The following ZNF777 variants were observed in gnomAD, a reference collection of about 807,000 sequenced individuals.
ZNF777 encodes zinc finger protein 777.
A neutral mutation model predicts 72.1 loss-of-function variants in ZNF777; 7 were observed. The observed-to-expected ratio is 0.10, with a 90% CI of 0.06 to 0.18. The LOEUF is 0.18. ZNF777 is among the 10% of genes least tolerant of loss of function. The pLI, the probability that ZNF777 is intolerant of heterozygous loss-of-function variation, is 1.00. For missense variants in ZNF777, 828 were observed against 1,128.6 expected, an observed-to-expected ratio of 0.73 and a Z score of 3.82; for synonymous variants, 545 against 483.5, an observed-to-expected ratio of 1.13 and a Z score of -1.67.
intron 1 of ZNF777, among the ~76,000 whole-genome samples, chr7:149,458,241 A>G (rs1196216317): frequency 6.6e-6 from 1 of 151,900 alleles, no homozygotes; most frequent in Non-Finnish European, 1.5e-5. Context: ...GAGCTCACAG[A>G]CCCCTAAACC....
At position 149,431,726 on chromosome 7, in the gene ZNF777, G is replaced by C. The variant is rs996922875; in HGVS notation, c.*50C>G. 17 of 1,273,462 alleles carry C rather than the reference G, an allele frequency of 1.3e-5. No homozygotes were observed. The highest frequency in any genetic ancestry group is 2.8e-4 in the Middle Eastern group (1 of 3,512). The allele number at this position is 1,273,462 out of a possible 1,614,324, so 78.9% of individuals were successfully genotyped here. A position where few individuals can be genotyped will look rare whatever the true frequency, so the allele number is the denominator to read the frequency against. ...GGGCTCGGGCCTGGCGGTGTCCGAG[G>C]GGGGGCACGGCCCGCGCACCTGGCC... On this transcript the variant is annotated 3_prime_UTR_variant, in exon 6 of 6. Coordinates refer to ENST00000247930, the MANE Select transcript of ZNF777 (RefSeq NM_015694.3).
intron 4 of ZNF777, among the ~76,000 whole-genome samples, chr7:149,438,965 C>T (rs1799463411): frequency 6.6e-6 from 1 of 152,148 alleles, no homozygotes; most frequent in Non-Finnish European, 1.5e-5. Flanking sequence ...GTGGAACTCT[C>T]CCACTCTCTC....
rs758567594 is a variant in ZNF777 at position 149,455,738 on chromosome 7, G to T, written c.285C>A (p.Gly95=). The change falls in exon 2 of 6, where the codon GGC becomes GGA. Residue 95 remains glycine (G), a synonymous_variant. Transcript: ENST00000247930. This position sits in a 1 kb window ranked among gnomAD's most constrained non-coding sequence, Gnocchi z 4.2. The stretch of plus-strand genomic sequence containing the variant: ...GGGTCCCTTCCTGGGAAGCCAGGGG[G>T]CCCTGGAGAGAAGTCTCTTGCTCAG... ...AASEQETSLQ[G]PLASQEGTQY... 2 of 1,586,954 alleles carry T rather than the reference G, an allele frequency of 1.3e-6. No individual in the cohort carries two copies. The highest frequency in any genetic ancestry group is 3.5e-5 in the Admixed American group (2 of 56,536).
chr7:149,451,283 G>A (rs1238191601), intron 3 of ZNF777, among the ~76,000 whole-genome samples, 171 bp from the exon 4 acceptor site: 3 of 152,118 alleles, frequency 2.0e-5, no homozygotes, highest in Admixed American at 1.3e-4. Flanking sequence ...GGGTGTGGGG[G>A]TGTGGGTGTG....
At chr7:149,444,727 A>G (rs988620960) in intron 4 of ZNF777, among the ~76,000 whole-genome samples, 1 of 152,176 alleles carries the variant, frequency 6.6e-6, no homozygotes, top group South Asian at 2.1e-4. Flanking sequence ...TCTAGCTCCC[A>G]ATGTGGTTAC....
Position 149,431,741 on chromosome 7 carries a change from C to G in ZNF777, c.*35G>C. 1 of 1,369,338 alleles carries G rather than the reference C, an allele frequency of 7.3e-7. No homozygotes were observed. Among genetic ancestry groups the G allele is most frequent in the Non-Finnish European group, 9.4e-7 (1 of 1,068,094 alleles). The allele number at this position is 1,369,338 out of a possible 1,614,324, so 84.8% of individuals were successfully genotyped here. On this transcript the variant is annotated 3_prime_UTR_variant, in exon 6 of 6. Transcript: ENST00000247930. ...GGTGTCCGAGGGGGGGCACGGCCCG[C>G]GCACCTGGCCGGGCGGCGGCGGCGG...
intron 2 of ZNF777, among the ~76,000 whole-genome samples, chr7:149,454,483 T>C (rs969231466): frequency 6.6e-6 from 1 of 152,208 alleles, no homozygotes; most frequent in Non-Finnish European, 1.5e-5. Flanking sequence ...TGCTACCAGG[T>C]AACTTGCTCA....
rs940666802 is a variant in ZNF777 at position 149,460,416 on chromosome 7, C to G, written c.-16+399G>C. ...GCGGGCGGCCCGGCCGGCTGCGTCC[C>G]GGCGGCGAGCTGGGCCCCGGCCCTC... On this transcript the variant is annotated intron_variant, in intron 1 of 5. Transcript: ENST00000247930. The surrounding 1 kb of genome is among the most constrained non-coding windows in gnomAD (Gnocchi z 6.1). 6.8e-6 allele frequency among the ~76,000 whole-genome samples: 1 copy of G among 146,142 alleles called. No individual in the cohort carries two copies. The highest frequency in any genetic ancestry group is 6.8e-5 in the Admixed American group (1 of 14,738).
chr7:149,442,982 C>T (rs1799550012), intron 4 of ZNF777, among the ~76,000 whole-genome samples: 1 of 152,100 alleles, frequency 6.6e-6, no homozygotes, highest in African/African-American at 2.4e-5. Context: ...TAAATTGGCA[C>T]AAGTGATTTG....
At chr7:149,459,549 G>A in intron 1 of ZNF777, 1 of 809,064 alleles carries the variant, frequency 1.2e-6, no homozygotes, top group Non-Finnish European at 1.5e-6. Flanking sequence ...GGGCGGCCCA[G>A]CCCCTCACCC....
In ZNF777 at chr7:149,455,916, C is replaced by T. The variant is rs374336310; in HGVS notation, c.107G>A (p.Arg36His). The T allele has an allele frequency of 3.3e-5, 53 of 1,611,908 alleles. No homozygotes were observed. In the Admixed American group the frequency reaches 6.2e-4, roughly 19 times the overall value. The change falls in exon 2 of 6, where the codon CGC becomes CAC. Residue 36 changes from arginine to histidine, a missense_variant. By Grantham distance (29) the Arg-to-His change is conservative. Around this residue, in one of 12 missense-constraint regions of ZNF777, gnomAD observed 222 missense variants for 211.2 expected, o/e 1.05. Coordinates refer to ENST00000247930, the MANE Select transcript of ZNF777 (RefSeq NM_015694.3). The surrounding 1 kb of genome is among the most constrained non-coding windows in gnomAD (Gnocchi z 4.2). Reference protein sequence around the residue: ...GLPRETLFQSRVLPPKEIPSL... With the variant: ...GLPRETLFQSHVLPPKEIPSL... ...AGGAATTTCTTTGGGAGGAAGAACG[C>T]GGGATTGGAACAGAGTTTCTCGGGG...
In ZNF777 at chr7:149,455,353, C is replaced by T. The variant is rs1376137207; in HGVS notation, c.670G>A (p.Glu224Lys). 6.2e-7 allele frequency: 1 copy of T among 1,614,258 alleles called. No homozygotes were observed. Among genetic ancestry groups the T allele is most frequent in the Non-Finnish European group, 8.5e-7 (1 of 1,180,050 alleles). Residue 224 changes from glutamate to lysine, a missense_variant, in exon 2 of 6, where the codon GAG (glutamate) becomes AAG (lysine). By Grantham distance (56) the Glu-to-Lys change is moderately conservative. Transcript: ENST00000247930. The surrounding 1 kb of genome is among the most constrained non-coding windows in gnomAD (Gnocchi z 4.2). Reference sequence around the variant, plus strand: ...TTCGCGAACTCCACGGCTGTCTTCTCGCAGTCGGCTATCTTCTTTTCATTT... The same window carrying T: ...TTCGCGAACTCCACGGCTGTCTTCTTGCAGTCGGCTATCTTCTTTTCATTT... Reference protein sequence around the residue: ...GTNEKKIADCEKTAVEFANHL... With the variant: ...GTNEKKIADCKKTAVEFANHL...
In ZNF777 at chr7:149,460,502, G is replaced by T. The variant is rs956410673; in HGVS notation, c.-16+313C>A. On this transcript the variant is annotated intron_variant, in intron 1 of 5. Transcript: ENST00000247930. The surrounding 1 kb of genome is among the most constrained non-coding windows in gnomAD (Gnocchi z 6.1). ...GGCCGCGGCTGGGACCCCAGCTCCG[G>T]CCCCGGCCCCGGCTGCGAGCTGCGC... Among the ~76,000 whole-genome samples, 1 of 150,408 alleles carries T rather than the reference G, an allele frequency of 6.6e-6. No homozygotes were observed. Among genetic ancestry groups the T allele is most frequent in the Non-Finnish European group, 1.5e-5 (1 of 67,480 alleles).
rs751602776 is a variant in ZNF777 at position 149,451,117 on chromosome 7, G to T, written c.974-5C>A. On this transcript the variant is annotated splice_region_variant and splice_polypyrimidine_tract_variant and intron_variant, in intron 3 of 5. Coordinates refer to ENST00000247930, the MANE Select transcript of ZNF777 (RefSeq NM_015694.3). ...CTGGTTTGGAAATTGCATAGTCTAG[G>T]CAGAAGAAAGGGAAAAAAATATGCT... 1 of 1,612,912 alleles carries T rather than the reference G, an allele frequency of 6.2e-7. No homozygotes were observed. Among genetic ancestry groups the T allele is most frequent in the Non-Finnish European group, 8.5e-7 (1 of 1,179,448 alleles).
chr7:149,442,742 C>G lies in ZNF777; in HGVS notation c.1088-5916G>C, dbSNP rs1266386138. Among the ~76,000 whole-genome samples the G allele has an allele frequency of 2.0e-5, 3 of 151,902 alleles. No homozygotes were observed. The East Asian group carries it at 5.8e-4, about 29-fold the overall frequency. On this transcript the variant is annotated intron_variant, in intron 4 of 5. Transcript: ENST00000247930. ...AATCAATAATAAAAAGACGAGTAAT[C>G]CAAAAGAATAACAACAAAGATTATT...
At chr7:149,459,363 C>T (rs1799897339) in intron 1 of ZNF777, among the ~76,000 whole-genome samples, 1 of 152,200 alleles carries the variant, frequency 6.6e-6, no homozygotes, top group African/African-American at 2.4e-5. Context: ...CCCTGAGAAG[C>T]TTACTCCCCA....
intron 3 of ZNF777, 40 bp from the exon 4 acceptor site, chr7:149,451,152 G>T (rs1055904293): frequency 2.6e-6 from 4 of 1,551,460 alleles, no homozygotes; most frequent in Non-Finnish European, 2.7e-6. Flanking sequence ...TCTGGGATGA[G>T]GTTGCACTGG....
Position 149,436,551 on chromosome 7 carries a change from C to T in ZNF777, c.1339+24G>A, listed in dbSNP as rs551130030. The T allele has an allele frequency of 1.3e-5, 21 of 1,567,330 alleles. No homozygotes were observed. Among genetic ancestry groups the T allele is most frequent in the South Asian group, 1.0e-4 (9 of 87,702 alleles). On this transcript the variant is annotated intron_variant, in intron 5 of 5. Coordinates refer to ENST00000247930, the MANE Select transcript of ZNF777 (RefSeq NM_015694.3). This position sits in a 1 kb window ranked among gnomAD's most constrained non-coding sequence, Gnocchi z 5.0. ...GGGAGGCCTCATGGCAACCCTTCCC[C>T]GGCCGTCCCCGCCCAGCACTCACCC...
At chr7:149,448,931 G>A (rs117848340) in intron 4 of ZNF777, among the ~76,000 whole-genome samples, 3,154 of 152,254 alleles carry the variant, frequency 0.021, 36 homozygotes, top group Non-Finnish European at 0.032. Flanking sequence ...AATTTACTTA[G>A]CCAATTCATA....
Sources: gnomAD v4.1 joint callset for allele counts (sites outside exome capture counted in the v4.1 genomes callset) on GRCh38, gnomAD v4.1.1 for gene constraint, gnomAD v4.1.1 regional missense constraint, Gnocchi (gnomAD v3.1) non-coding constraint, MANE v1.5 for transcripts, NCBI Gene and HGNC (gene_info 2026-07-23, HGNC 2026-07-21) for gene names.